The following DAPL1 variants were observed in gnomAD, a reference collection of about 807,000 sequenced individuals.
DAPL1 encodes the protein death-associated protein-like 1.
In DAPL1, 17 loss-of-function variants were observed where a neutral mutation model predicts 12.9. The ratio of observed to expected loss-of-function variants is 1.32; its 90% CI spans 0.90 to 1.98. The LOEUF (loss-of-function observed/expected upper bound fraction) is 1.98. DAPL1 is among the 30% of genes most tolerant of loss of function. The pLI, the probability that DAPL1 is intolerant of heterozygous loss-of-function variation, is 0.00. For synonymous variants in DAPL1, 51 were observed against 42.0 expected, an observed-to-expected ratio of 1.21 and a Z score of -0.82; for missense variants, 157 against 125.7, an observed-to-expected ratio of 1.25 and a Z score of -1.19.
intron 1 of DAPL1, among the ~76,000 whole-genome samples, chr2:158,799,772 G>A (rs1486702751): frequency 1.3e-5 from 2 of 152,144 alleles, no homozygotes; most frequent in African/African-American, 2.4e-5. Flanking sequence ...AAATTGCTGA[G>A]TTAGAGCCTA....
intron 1 of DAPL1, among the ~76,000 whole-genome samples, chr2:158,801,542 A>G (rs982380401): frequency 2.0e-5 from 3 of 152,198 alleles, no homozygotes; most frequent in Admixed American, 6.5e-5. Flanking sequence ...TTTGTATGCC[A>G]TATGCGTGTG....
At chr2:158,813,172 C>A (rs2059240851) in intron 3 of DAPL1, among the ~76,000 whole-genome samples, 1 of 152,002 alleles carries the variant, frequency 6.6e-6, no homozygotes, top group South Asian at 2.1e-4. Context: ...TGGGAGGTAC[C>A]CAAAGTAGTC....
chr2:158,808,741 A>G (rs559659686), intron 3 of DAPL1, among the ~76,000 whole-genome samples: 1 of 152,254 alleles, frequency 6.6e-6, no homozygotes, highest in African/African-American at 2.4e-5. Flanking sequence ...CCCGCCCACT[A>G]AACACCACTT....
intron 1 of DAPL1, among the ~76,000 whole-genome samples, chr2:158,799,040 AAACT>A (rs2059151155): frequency 6.6e-6 from 1 of 152,196 alleles, no homozygotes; most frequent in South Asian, 2.1e-4. Context: ...TTAGAATTCT[AAACT>A]AACTGATGTA....
chr2:158,799,344 G>C (rs1179216801), intron 1 of DAPL1, among the ~76,000 whole-genome samples: 2 of 152,062 alleles, frequency 1.3e-5, no homozygotes, highest in Admixed American at 6.6e-5. Context: ...CAAAAAGCAG[G>C]ATAGTCCCAA....
At position 158,795,332 on chromosome 2, in the gene DAPL1, C is replaced by T. The variant is rs1015530299; in HGVS notation, c.-41C>T. On this transcript the variant is annotated 5_prime_UTR_variant, in exon 1 of 4. Transcript: ENST00000309950. The stretch of plus-strand genomic sequence containing the variant: ...TGGGGCAGCCACAGCTGGCATTCAG[C>T]CTCCAGAGCACCAGCACTGGCACTG... 29 of 1,550,878 alleles carry T rather than the reference C, an allele frequency of 1.9e-5. No homozygotes were observed. In the East Asian group the frequency reaches 6.8e-4, roughly 37 times the overall value.
rs760420742 is a variant in DAPL1 at position 158,815,843 on chromosome 2, G to A, written c.*22G>A. 3.3e-5 allele frequency: 51 copies of A among 1,543,570 alleles called. No individual in the cohort carries two copies. Among genetic ancestry groups the A allele is most frequent in the East Asian group, 1.6e-4 (7 of 44,564 alleles). ...TTAAGCCTGGATTTAAAACACAGCC[G>A]TCTGGCCAGCTGCCTCGAATATCTG... On this transcript the variant is annotated 3_prime_UTR_variant, in exon 4 of 4. Transcript: ENST00000309950.
At chr2:158,798,523 C>T (rs1448949889) in intron 1 of DAPL1, among the ~76,000 whole-genome samples, 1 of 152,202 alleles carries the variant, frequency 6.6e-6, no homozygotes, top group Non-Finnish European at 1.5e-5. Context: ...GCTGACTGCA[C>T]CTGGCACAGC....
chr2:158,803,630 T>C (rs1325092169), intron 1 of DAPL1, among the ~76,000 whole-genome samples: 1 of 152,258 alleles, frequency 6.6e-6, no homozygotes, highest in African/African-American at 2.4e-5. Context: ...TGTTAGGTCA[T>C]CTGTAGCCTA....
At position 158,807,104 on chromosome 2, in the gene DAPL1, G is replaced by A. The variant is rs12535; in HGVS notation, c.196G>A (p.Ala66Thr). The change falls in exon 3 of 4, where the codon GCA becomes ACA. Residue 66 changes from alanine to threonine, a missense_variant. By Grantham distance (58) the Ala-to-Thr change is moderately conservative. Transcript: ENST00000309950. ...KIQTLDALND[A>T]LEKLNYKFPA... ...ACAGACACTGGATGCCCTGAATGAC[G>A]CACTGGAGAAGGTGAGCCGTGGGCA... The A allele has an allele frequency of 0.27, 440,771 of 1,607,762 alleles. 66,920 individuals are homozygous for A. Among genetic ancestry groups the A allele is most frequent in the Non-Finnish European group, 0.31 (369,612 of 1,175,674 alleles).
In DAPL1 at chr2:158,815,892, G is replaced by C; in HGVS notation, c.*71G>C. Reference sequence around the variant, plus strand: ...TGACAGCTTAGCAAAAAGGGCCAAAGCTTTCCATAGGCGTGCTGCACTTGC... The same window carrying C: ...TGACAGCTTAGCAAAAAGGGCCAAACCTTTCCATAGGCGTGCTGCACTTGC... On this transcript the variant is annotated 3_prime_UTR_variant, in exon 4 of 4. Coordinates refer to ENST00000309950, the MANE Select transcript of DAPL1 (RefSeq NM_001017920.3). 1 of 1,063,782 alleles carries C rather than the reference G, an allele frequency of 9.4e-7. No individual in the cohort carries two copies. The highest frequency in any genetic ancestry group is 1.5e-5 in the African/African-American group (1 of 64,576). The allele number at this position is 1,063,782 out of a possible 1,614,324, so 65.9% of individuals were successfully genotyped here.
chr2:158,801,254 C>G, intron 1 of DAPL1, among the ~76,000 whole-genome samples: 1 of 152,130 alleles, frequency 6.6e-6, no homozygotes, highest in Non-Finnish European at 1.5e-5. Flanking sequence ...GCAAAAGGAA[C>G]ACTAACAAGA....
intron 1 of DAPL1, among the ~76,000 whole-genome samples, chr2:158,797,853 C>G (rs570417487): frequency 1.3e-5 from 2 of 151,862 alleles, no homozygotes; most frequent in Non-Finnish European, 1.5e-5. Context: ...ATCTATGGAG[C>G]AGTCAATGGT....
intron 1 of DAPL1, among the ~76,000 whole-genome samples, chr2:158,799,012 T>C (rs1022044236): frequency 6.6e-6 from 1 of 152,172 alleles, no homozygotes; most frequent in Non-Finnish European, 1.5e-5. Context: ...TGGAAAATCT[T>C]AGCTGGAAAA....
chr2:158,814,304 T>C (rs2059248305), intron 3 of DAPL1, among the ~76,000 whole-genome samples: 1 of 152,136 alleles, frequency 6.6e-6, no homozygotes, highest in Admixed American at 6.5e-5. Context: ...AAAAAAGTCA[T>C]CAGGTCTTTT....
At chr2:158,802,055 C>T (rs1283740307) in intron 1 of DAPL1, among the ~76,000 whole-genome samples, 1 of 152,060 alleles carries the variant, frequency 6.6e-6, no homozygotes, top group Non-Finnish European at 1.5e-5. Flanking sequence ...AGTGATATAC[C>T]TTTATCTATT....
At chr2:158,796,320 T>C (rs2059134209) in intron 1 of DAPL1, among the ~76,000 whole-genome samples, 1 of 152,200 alleles carries the variant, frequency 6.6e-6, no homozygotes, top group Non-Finnish European at 1.5e-5. Context: ...TTCAATAATC[T>C]TTGCTGCAGA....
intron 3 of DAPL1, among the ~76,000 whole-genome samples, chr2:158,812,073 G>C (rs2059233929): frequency 6.6e-6 from 1 of 152,192 alleles, no homozygotes; most frequent in South Asian, 2.1e-4. Flanking sequence ...CCCTGACTGA[G>C]GCAGGTAGGG....
chr2:158,802,566 A>G (rs995837949), intron 1 of DAPL1, among the ~76,000 whole-genome samples: 3 of 152,190 alleles, frequency 2.0e-5, no homozygotes, highest in African/African-American at 7.2e-5. Flanking sequence ...CCAAATCGTC[A>G]AGGATGGTTT....
Sources: allele counts gnomAD v4.1 joint callset (sites outside exome capture counted in the v4.1 genomes callset), GRCh38; gene constraint gnomAD v4.1.1; transcripts MANE v1.5; gene names NCBI Gene and HGNC (gene_info 2026-07-23, HGNC 2026-07-21).